The following MED24 variants were observed in gnomAD, a reference collection of about 807,000 sequenced individuals.
The protein encoded by MED24 is mediator of RNA polymerase II transcription subunit 24.
MED24 carries 74 observed loss-of-function variants against 118.8 expected under a neutral mutation model. That is an observed-to-expected ratio of 0.62 (90% CI 0.52 to 0.76). The LOEUF (loss-of-function observed/expected upper bound fraction) is 0.76. Among genes scored for constraint, MED24 ranks in the 30% least tolerant of loss-of-function variants. MED24 has a pLI of 0.00. For missense variants in MED24, 1,041 were observed against 1,278.9 expected (o/e 0.81, Z 2.84); for synonymous variants, 521 against 523.9 (o/e 0.99, Z 0.08).
intron 3 of MED24, 94 bp downstream of exon 3, chr17:40,053,204 G>A (rs1986027865): frequency 8.4e-7 from 1 of 1,193,586 alleles, no homozygotes; most frequent in South Asian, 1.5e-5. Context: ...CACAATGCTG[G>A]GATTACAGCC....
chr17:40,036,305 T>G (rs1568167864), intron 3 of MED24, 151 bp from the exon 4 acceptor site: 2 of 709,938 alleles, frequency 2.8e-6, no homozygotes, highest in Admixed American at 2.2e-5. Context: ...GCAGTGTCAC[T>G]GTGCACTGCC....
intron 3 of MED24, among the ~76,000 whole-genome samples, chr17:40,047,319 CTG>C (rs1373109555): frequency 6.6e-6 from 1 of 152,106 alleles, no homozygotes; most frequent in African/African-American, 2.4e-5. Context: ...CAGAAATGCT[CTG>C]TATCTTATTT....
chr17:40,053,094 G>A (rs1376276525), intron 3 of MED24, among the ~76,000 whole-genome samples: 1 of 151,968 alleles, frequency 6.6e-6, no homozygotes, highest in Non-Finnish European at 1.5e-5. Flanking sequence ...CACCACGCAG[G>A]GGTAACTCTT....
At chr17:40,020,462 A>G in intron 23 of MED24, 109 bp from the exon 24 acceptor site, 4 of 1,543,782 alleles carry the variant, frequency 2.6e-6, no homozygotes, top group Non-Finnish European at 3.5e-6. Context: ...TAACTGGTAC[A>G]TGGAGAGCCC....
In MED24 at chr17:40,033,131, C is replaced by T. The variant is rs1369403804; in HGVS notation, c.747G>A (p.Leu249=). The change falls in exon 8 of 26, where the codon CTG becomes CTA. Residue 249 remains leucine (L), a synonymous_variant. Coordinates refer to ENST00000394128, the MANE Select transcript of MED24 (RefSeq NM_014815.4). The surrounding 1 kb of genome is among the most constrained non-coding windows in gnomAD (Gnocchi z 5.2). ...CTGTCAGGTTCATGGTGCCCTCGAG[C>T]AGGATCACGGCGTGGACAGTGGGGA... ...TGFPTVHAVI[L]LEGTMNLTGE... 1.2e-6 allele frequency: 2 copies of T among 1,614,028 alleles called. No individual in the cohort carries two copies. The highest frequency in any genetic ancestry group is 1.7e-6 in the Non-Finnish European group (2 of 1,180,050).
At position 40,043,339 on chromosome 17, in the gene MED24, G is replaced by T. The variant is rs372231487; in HGVS notation, c.214-7185C>A. 9.9e-4 allele frequency among the ~76,000 whole-genome samples: 151 copies of T among 152,214 alleles called. 1 individual carries two copies. In the South Asian group the frequency reaches 0.031, roughly 31 times the overall value. The stretch of plus-strand genomic sequence containing the variant: ...CAGCCTCTTGACTGGCTCACCAATT[G>T]TTGTGCTGGACCCCTATTCACTAGG... On this transcript the variant is annotated intron_variant, in intron 3 of 25. Transcript: ENST00000394128.
chr17:40,026,144 CAG>C lies in MED24; in HGVS notation c.1985+10_1985+11del, dbSNP rs747579163. 1.2e-6 allele frequency: 2 copies of C among 1,607,486 alleles called. No individual in the cohort carries two copies. Among genetic ancestry groups the C allele is most frequent in the South Asian group, 2.2e-5 (2 of 90,600 alleles). On this transcript the variant is annotated intron_variant, in intron 19 of 25. Coordinates refer to ENST00000394128, the MANE Select transcript of MED24 (RefSeq NM_014815.4). Reference sequence around the variant, plus strand: ...ACTTGAAGGGTCTGAGAAGGGAAGGCAGGTTACCGACCTCTCATTGTAGAACT... The same window carrying C: ...ACTTGAAGGGTCTGAGAAGGGAAGGCGTTACCGACCTCTCATTGTAGAACT...
rs1441232583 is a variant in MED24 at position 40,033,717 on chromosome 17, T to TA, written c.560-262dup. The TA allele has an allele frequency of 1.6e-6, 1 of 610,752 alleles. No individual in the cohort carries two copies. The highest frequency in any genetic ancestry group is 3.1e-6 in the Non-Finnish European group (1 of 327,316). The allele number at this position is 610,752 out of a possible 1,614,324, so 37.8% of individuals were successfully genotyped here. On this transcript the variant is annotated intron_variant, in intron 6 of 25. Coordinates refer to ENST00000394128, the MANE Select transcript of MED24 (RefSeq NM_014815.4). This position sits in a 1 kb window ranked among gnomAD's most constrained non-coding sequence, Gnocchi z 5.2. ...GACACAGCCAGCTGACTTCAGAAGG[T>TA]ATGGCATCACACAGGCTCAGGAGAG...
chr17:40,035,590 T>A, intron 5 of MED24, 132 bp downstream of exon 5: 4 of 990,380 alleles, frequency 4.0e-6, no homozygotes, highest in Non-Finnish European at 4.5e-6. Flanking sequence ...CACAGGTAAG[T>A]GTAGATGGGC....
intron 14 of MED24, among the ~76,000 whole-genome samples, chr17:40,028,372 C>T (rs1982968734): frequency 6.6e-6 from 1 of 152,120 alleles, no homozygotes; most frequent in Admixed American, 6.6e-5. Flanking sequence ...CCTTGGCCTC[C>T]CTAAGTGCTA....
chr17:40,023,141 T>C lies in MED24; in HGVS notation c.2240A>G (p.Asn747Ser). 6.2e-7 allele frequency: 1 copy of C among 1,613,616 alleles called. No individual in the cohort carries two copies. Among genetic ancestry groups the C allele is most frequent in the Non-Finnish European group, 8.5e-7 (1 of 1,179,692 alleles). ...CTCCAGCCCAAGTACCTTAATCAGG[T>C]TGTTGCAGAACCAGTAGACGCCGCC... The part of the protein sequence containing the change: ...HMGGVYWFCN[N>S]LIKELLKETR... The change falls in exon 20 of 26, where the codon AAC (asparagine) becomes AGC (serine). Residue 747 changes from asparagine (N) to serine (S), a missense_variant. Asn to Ser is a conservative substitution (Grantham distance 46). Around this residue, in one of 3 missense-constraint regions of MED24, gnomAD observed 587 missense variants for 694.4 expected, o/e 0.85. Coordinates refer to ENST00000394128, the MANE Select transcript of MED24 (RefSeq NM_014815.4).
chr17:40,048,311 T>C (rs1985466804), intron 3 of MED24, among the ~76,000 whole-genome samples: 1 of 152,202 alleles, frequency 6.6e-6, no homozygotes, highest in African/African-American at 2.4e-5. Context: ...GTCAAAATTA[T>C]TTTTAAAATA....
rs1982726442 is a variant in MED24, at chr17:40,026,893, C to T, written c.1672G>A (p.Val558Met). 2 of 1,613,712 alleles carry T rather than the reference C, an allele frequency of 1.2e-6. No individual in the cohort carries two copies. Among genetic ancestry groups the T allele is most frequent in the Admixed American group, 1.7e-5 (1 of 59,854 alleles). The change falls in exon 17 of 26, where the codon GTG (valine) becomes ATG (methionine). Residue 558 changes from valine to methionine, a missense_variant. Transcript: ENST00000394128. ...RPDSTKVESL[V>M]ALLNNSSEMK... ...TCCGAGGAGTTGTTGAGCAGGGCCACCAGGGACTCCACTTTGGTGGAGTCG... is the reference window on the plus strand; with the variant it reads ...TCCGAGGAGTTGTTGAGCAGGGCCATCAGGGACTCCACTTTGGTGGAGTCG...
intron 3 of MED24, among the ~76,000 whole-genome samples, chr17:40,048,047 A>C (rs937493851): frequency 6.6e-6 from 1 of 152,246 alleles, no homozygotes; most frequent in Admixed American, 6.5e-5. Flanking sequence ...TTTGTATGTT[A>C]TGCTATGTTA....
chr17:40,036,243 C>T, intron 3 of MED24, 89 bp from the exon 4 acceptor site: 1 of 1,341,218 alleles, frequency 7.5e-7, no homozygotes. Context: ...TGCTGCAGCT[C>T]TCCTGAACCT....
At chr17:40,023,042 C>T in intron 20 of MED24, 89 bp downstream of exon 20, 1 of 1,518,184 alleles carries the variant, frequency 6.6e-7, no homozygotes, top group Non-Finnish European at 8.9e-7. Flanking sequence ...CTCACGGCAG[C>T]CTCTCAGGGA....
chr17:40,050,403 C>A (rs142796591), intron 3 of MED24, among the ~76,000 whole-genome samples: 1 of 151,970 alleles, frequency 6.6e-6, no homozygotes. Flanking sequence ...GCAGAGATCA[C>A]GCCACTGCAC....
rs762944287 is a variant in MED24 at position 40,023,123 on chromosome 17, C to T, written c.2250+8G>A. The T allele has an allele frequency of 1.2e-6, 2 of 1,610,022 alleles. No individual in the cohort carries two copies. Among genetic ancestry groups the T allele is most frequent in the South Asian group, 1.1e-5 (1 of 90,678 alleles). On this transcript the variant is annotated splice_region_variant and intron_variant, in intron 20 of 25. Transcript: ENST00000394128. Reference sequence around the variant, plus strand: ...CATGTCGGCCCACAGCCACTCCAGCCCAAGTACCTTAATCAGGTTGTTGCA... The same window carrying T: ...CATGTCGGCCCACAGCCACTCCAGCTCAAGTACCTTAATCAGGTTGTTGCA...
intron 19 of MED24, 150 bp from the exon 20 acceptor site, chr17:40,023,545 ACCCCGG>A: frequency 1.4e-6 from 1 of 723,226 alleles, no homozygotes; most frequent in South Asian, 1.9e-5. Context: ...GGGACGGTAT[ACCCCGG>A]GGTGACCTGG....
Sources: allele counts gnomAD v4.1 joint callset (sites outside exome capture counted in the v4.1 genomes callset), GRCh38; gene constraint gnomAD v4.1.1; regional missense constraint gnomAD v4.1.1; non-coding constraint Gnocchi (gnomAD v3.1); transcripts MANE v1.5; gene names NCBI Gene and HGNC (gene_info 2026-07-23, HGNC 2026-07-21).